Variants in INTS6 observed in about 807,000 individuals in gnomAD.
INTS6 encodes integrator complex subunit 6, also known as DEAD box protein.
A neutral mutation model predicts 104.9 loss-of-function variants in INTS6; 16 were observed. That is an observed-to-expected ratio of 0.15 (90% CI 0.10 to 0.23). The LOEUF is 0.23. Ranked by LOEUF, INTS6 falls within the 10% of genes least tolerant of loss-of-function variation. The pLI, the probability that INTS6 is intolerant of heterozygous loss-of-function variation, is 1.00. For synonymous variants in INTS6, 324 were observed against 358.7 expected (o/e 0.90, Z 1.09); for missense variants, 584 against 1,062.8 (o/e 0.55, Z 6.26).
chr13:51,361,200 A>G (rs1420773924), downstream of INTS6: 3 of 942,296 alleles, frequency 3.2e-6, no homozygotes, highest in Non-Finnish European at 5.0e-6. Flanking sequence ...TTGTAAGTAC[A>G]TTTTTAAAGA....
intron 3 of INTS6, among the ~76,000 whole-genome samples, chr13:51,434,524 A>G (rs1265380287): frequency 6.6e-6 from 1 of 152,144 alleles, no homozygotes; most frequent in Non-Finnish European, 1.5e-5. Flanking sequence ...GAGCTTAGTC[A>G]AGAATCACAC....
chr13:51,452,818 G>A lies in INTS6; in HGVS notation c.-293C>T. On this transcript the variant is annotated 5_prime_UTR_variant, in exon 1 of 18. Coordinates refer to ENST00000311234, the MANE Select transcript of INTS6 (RefSeq NM_012141.3). The surrounding 1 kb of genome is among the most constrained non-coding windows in gnomAD (Gnocchi z 4.2). Reference sequence around the variant, plus strand: ...TCTGTCGGTTCGTCCCCCCCGCCTCGGGGGTCCCGTCCCCGCTCCCGGCCC... The same window carrying A: ...TCTGTCGGTTCGTCCCCCCCGCCTCAGGGGTCCCGTCCCCGCTCCCGGCCC... 1.7e-6 allele frequency: 2 copies of A among 1,174,182 alleles called. No individual in the cohort carries two copies. The highest frequency in any genetic ancestry group is 1.8e-5 in the South Asian group (1 of 55,420). 72.7% of individuals were successfully genotyped at this position (1,174,182 alleles called of 1,614,324 possible).
At chr13:51,396,114 T>TA (rs987551972) in intron 4 of INTS6, among the ~76,000 whole-genome samples, 23 of 151,244 alleles carry the variant, frequency 1.5e-4, no homozygotes, top group South Asian at 6.3e-4. Flanking sequence ...TTTCTAAATG[T>TA]AAAAAAAAAT....
intron 4 of INTS6, among the ~76,000 whole-genome samples, chr13:51,420,280 T>C (rs1956870825): frequency 6.6e-6 from 1 of 151,480 alleles, no homozygotes; most frequent in South Asian, 2.1e-4. Flanking sequence ...GTGCATACAC[T>C]GGGAATGGTA....
intron 6 of INTS6, among the ~76,000 whole-genome samples, chr13:51,388,368 G>GTGTTTTTTTTTTTTTTTTTTTT (rs1344133694): frequency 6.7e-6 from 1 of 148,486 alleles, no homozygotes. Flanking sequence ...GTGTGTGTGT[G>GTGTTTTTTTTTTTTTTTTTTTT]TTTTGTTTTT....
chr13:51,370,723 T>C (rs1326872542), intron 15 of INTS6, among the ~76,000 whole-genome samples: 3 of 151,922 alleles, frequency 2.0e-5, no homozygotes, highest in Non-Finnish European at 4.4e-5. Context: ...AGTATACAGT[T>C]TATATCGTAT....
rs1387060532 is a variant in INTS6, at chr13:51,405,099, A to G, written c.430-9616T>C. Among the ~76,000 whole-genome samples, 4 of 152,246 alleles carry G rather than the reference A, an allele frequency of 2.6e-5. No homozygotes were observed. In the East Asian group the frequency reaches 7.7e-4, roughly 29 times the overall value. ...AGCAAGTGTGAAGAATAATAAGTTT[A>G]CTGAGAATCCAGAACCTCATGCAAG... is the stretch of plus-strand genomic sequence containing the variant. On this transcript the variant is annotated intron_variant, in intron 4 of 17. Coordinates refer to ENST00000311234, the MANE Select transcript of INTS6 (RefSeq NM_012141.3).
intron 4 of INTS6, among the ~76,000 whole-genome samples, chr13:51,417,882 A>T (rs1341852778): frequency 6.6e-6 from 1 of 152,240 alleles, no homozygotes; most frequent in Non-Finnish European, 1.5e-5. Context: ...GTCCTTATGC[A>T]GTACAATACT....
At chr13:51,414,795 T>C (rs1956754372) in intron 4 of INTS6, among the ~76,000 whole-genome samples, 1 of 151,210 alleles carries the variant, frequency 6.6e-6, no homozygotes, top group African/African-American at 2.4e-5. Context: ...TTCATTTCCG[T>C]TTCTTCCTTC....
At chr13:51,425,637 T>C (rs1298149880) in intron 4 of INTS6, among the ~76,000 whole-genome samples, 1 of 152,144 alleles carries the variant, frequency 6.6e-6, no homozygotes, top group Admixed American at 6.5e-5. Context: ...GCTCCTCTAT[T>C]GAGCAATATT....
chr13:51,387,288 C>T (rs1956158120), intron 7 of INTS6, 98 bp downstream of exon 7: 1 of 1,119,714 alleles, frequency 8.9e-7, no homozygotes, highest in East Asian at 2.5e-5. Flanking sequence ...TCTGTCTAAT[C>T]CCCATAAATT....
rs562144124 is a variant in INTS6, at chr13:51,408,333, C to T, written c.430-12850G>A. Reference sequence around the variant, plus strand: ...TAACTTTTTGTATTTTTAGTAGAGACGGGGTTTCACTATGTTAGCCAGGCT... The same window carrying T: ...TAACTTTTTGTATTTTTAGTAGAGATGGGGTTTCACTATGTTAGCCAGGCT... On this transcript the variant is annotated intron_variant, in intron 4 of 17. Coordinates refer to ENST00000311234, the MANE Select transcript of INTS6 (RefSeq NM_012141.3). Among the ~76,000 whole-genome samples, 7 of 151,852 alleles carry T rather than the reference C, an allele frequency of 4.6e-5. No homozygotes were observed. The East Asian group carries it at 7.8e-4, about 17-fold the overall frequency.
chr13:51,361,316 G>A, downstream of INTS6: 1 of 1,610,196 alleles, frequency 6.2e-7, no homozygotes, highest in East Asian at 2.2e-5. Context: ...AATCCACAAG[G>A]CCAAGATTGA....
chr13:51,430,425 T>C, intron 3 of INTS6, 42 bp from the exon 4 acceptor site: 5 of 1,518,830 alleles, frequency 3.3e-6, no homozygotes, highest in Non-Finnish European at 4.5e-6. Context: ...GATTTAGACT[T>C]TGGCTTACAA....
At chr13:51,450,253 G>A (rs1953007874) in intron 3 of INTS6, 1 of 984,384 alleles carries the variant, frequency 1.0e-6, no homozygotes, top group Non-Finnish European at 1.2e-6. Flanking sequence ...TTATTTCCAG[G>A]GCAATAATAT....
At chr13:51,398,841 C>G (rs1956385777) in intron 4 of INTS6, among the ~76,000 whole-genome samples, 1 of 151,940 alleles carries the variant, frequency 6.6e-6, no homozygotes, top group South Asian at 2.1e-4. Context: ...TCTGTTCACA[C>G]ACCACATCTG....
intron 5 of INTS6, among the ~76,000 whole-genome samples, chr13:51,391,183 A>G (rs1021784758): frequency 6.6e-6 from 1 of 152,160 alleles, no homozygotes; most frequent in Non-Finnish European, 1.5e-5. Flanking sequence ...AACCATCTTT[A>G]CATGCAAAAT....
intron 3 of INTS6, chr13:51,445,996 G>A (rs1396601993): frequency 6.6e-6 from 1 of 152,166 alleles, no homozygotes; most frequent in Non-Finnish European, 1.5e-5. Context: ...CAGGAGAAAA[G>A]CTTCAGTGAC....
At chr13:51,416,283 C>G (rs879620847) in intron 4 of INTS6, among the ~76,000 whole-genome samples, 6 of 152,134 alleles carry the variant, frequency 3.9e-5, no homozygotes, top group African/African-American at 1.4e-4. Flanking sequence ...TTTCATTCAT[C>G]TATTTAAAGT....
Sources: allele counts gnomAD v4.1 joint callset (sites outside exome capture counted in the v4.1 genomes callset), GRCh38; gene constraint gnomAD v4.1.1; non-coding constraint Gnocchi (gnomAD v3.1); transcripts MANE v1.5; gene names NCBI Gene and HGNC (gene_info 2026-07-23, HGNC 2026-07-21).